TCF20: variants seen among roughly 807,000 people sequenced by gnomAD.
TCF20 encodes the protein SPRE-binding protein.
A neutral mutation model predicts 148.6 loss-of-function variants in TCF20; 3 were observed. The ratio of observed to expected loss-of-function variants is 0.02; its 90% CI spans 0.01 to 0.05. The LOEUF is 0.05. TCF20 is among the 10% of genes least tolerant of loss of function. The pLI is 1.00. For missense variants in TCF20, 2,350 were observed against 2,429.3 expected, an observed-to-expected ratio of 0.97 and a Z score of 0.69; for synonymous variants, 1,049 against 909.5, an observed-to-expected ratio of 1.15 and a Z score of -2.76.
At chr22:42,249,733 T>C (rs535730147) in intron 1 of TCF20, among the ~76,000 whole-genome samples, 1 of 152,242 alleles carries the variant, frequency 6.6e-6, no homozygotes, top group East Asian at 1.9e-4. Context: ...ACAAGAAATC[T>C]CCCCTGCCAA....
At chr22:42,324,754 C>G (rs1398141581) in intron 1 of TCF20, among the ~76,000 whole-genome samples, 2 of 152,264 alleles carry the variant, frequency 1.3e-5, no homozygotes, top group Non-Finnish European at 2.9e-5. Flanking sequence ...TAACCTCCAC[C>G]ATTTGTTCTG....
intron 1 of TCF20, among the ~76,000 whole-genome samples, chr22:42,231,928 CAAAAAAAA>C (rs55642530): frequency 2.4e-5 from 3 of 123,270 alleles, no homozygotes; most frequent in Non-Finnish European, 5.1e-5. Context: ...GACTCCGTCT[CAAAAAAAA>C]AAAAAAAAAA....
rs151205820 is a variant in TCF20, at chr22:42,211,949, T to C, written c.3357A>G (p.Pro1119=). 32 of 1,614,220 alleles carry C rather than the reference T, an allele frequency of 2.0e-5. No individual in the cohort carries two copies. The highest frequency in any genetic ancestry group is 1.6e-4 in the Middle Eastern group (1 of 6,062). Reference sequence around the variant, plus strand: ...ACTGCTGCTGCCTTGGACTCTTCCGTGGCCCCTCCTGCCTGTGCTGTGCTG... The same window carrying C: ...ACTGCTGCTGCCTTGGACTCTTCCGCGGCCCCTCCTGCCTGTGCTGTGCTG... ...IAAAQHRQEG[P]RKSPRQQQFL... Residue 1119 remains proline, a synonymous_variant, in exon 2 of 6, where the codon CCA becomes CCG. Coordinates refer to ENST00000677622, the MANE Select transcript of TCF20 (RefSeq NM_001378418.1).
chr22:42,289,829 C>T lies in TCF20; in HGVS notation c.-37+53650G>A, dbSNP rs959924984. Reference sequence around the variant, plus strand: ...GCCACCCTGGCAGACCCCCAAAGAGCGCCCCAAAGGATTGCCCCGCCCCCG... The same window carrying T: ...GCCACCCTGGCAGACCCCCAAAGAGTGCCCCAAAGGATTGCCCCGCCCCCG... On this transcript the variant is annotated intron_variant, in intron 1 of 1. Coordinates refer to the TCF20 transcript ENST00000515426. Among the ~76,000 whole-genome samples, 4 of 152,266 alleles carry T rather than the reference C, an allele frequency of 2.6e-5. 1 individual carries two copies. The highest frequency in any genetic ancestry group is 4.1e-4 in the South Asian group (2 of 4,834).
rs1408694179 is a variant in TCF20 at position 42,209,644 on chromosome 22, T to C, written c.5655+7A>G. 1.3e-6 allele frequency: 2 copies of C among 1,578,340 alleles called. No individual in the cohort carries two copies. The highest frequency in any genetic ancestry group is 1.7e-6 in the Non-Finnish European group (2 of 1,164,128). On this transcript the variant is annotated splice_region_variant and intron_variant, in intron 2 of 5. Coordinates refer to ENST00000677622, the MANE Select transcript of TCF20 (RefSeq NM_001378418.1). ...TCCCAAGCTGGTAAGAGATTTCTCA[T>C]ACTCACCATCTCTCTGGCTATTTCC...
chr22:42,202,233 CAAT>C (rs1181908494), intron 2 of TCF20, among the ~76,000 whole-genome samples: 4 of 152,210 alleles, frequency 2.6e-5, no homozygotes, highest in African/African-American at 7.2e-5. Flanking sequence ...ACTAAGACAA[CAAT>C]GAGGGAGGAC....
intron 5 of TCF20, among the ~76,000 whole-genome samples, chr22:42,164,556 T>A (rs1057030793): frequency 6.6e-6 from 1 of 152,184 alleles, no homozygotes; most frequent in African/African-American, 2.4e-5. Flanking sequence ...ACAGACTCAC[T>A]TGGCACTAGC....
At chr22:42,323,472 C>T (rs956141518) in intron 1 of TCF20, among the ~76,000 whole-genome samples, 2 of 151,604 alleles carry the variant, frequency 1.3e-5, no homozygotes, top group Non-Finnish European at 3.0e-5. Flanking sequence ...AACAGGAGGA[C>T]GGTGGAAGAG....
chr22:42,285,626 T>A (rs1290167197), upstream of TCF20, among the ~76,000 whole-genome samples: 1 of 152,072 alleles, frequency 6.6e-6, no homozygotes, highest in Non-Finnish European at 1.5e-5. The surrounding 1 kb of genome is among the most constrained non-coding windows in gnomAD (Gnocchi z 4.2). Context: ...TTATTTTTAT[T>A]TTATTTTATT....
chr22:42,254,558 C>T (rs984666255), intron 1 of TCF20, among the ~76,000 whole-genome samples: 2 of 152,206 alleles, frequency 1.3e-5, no homozygotes, highest in African/African-American at 4.8e-5. Flanking sequence ...AATCTCTCAC[C>T]TGTCCTCCAT....
intron 1 of TCF20, 95 bp from the exon 2 acceptor site, chr22:42,215,436 G>A (rs1921663294): frequency 1.4e-6 from 2 of 1,426,286 alleles, no homozygotes; most frequent in Non-Finnish European, 1.9e-6. Context: ...TGAATCAGAG[G>A]CCCAGATGAA....
intron 1 of TCF20, among the ~76,000 whole-genome samples, chr22:42,264,177 T>C (rs978981820): frequency 1.3e-5 from 2 of 151,262 alleles, no homozygotes; most frequent in Non-Finnish European, 2.9e-5. Flanking sequence ...CTATCCTTGC[T>C]TTCCTTGACA....
Position 42,215,240 on chromosome 22 carries a change from G to GT in TCF20, c.65dup (p.His22GlnfsTer27). 1 of 1,614,194 alleles carries GT rather than the reference G, an allele frequency of 6.2e-7. No homozygotes were observed. The highest frequency in any genetic ancestry group is 8.5e-7 in the Non-Finnish European group (1 of 1,180,036). ...TGAACTCTTCTAGCCGGGATGAGCC[G>GT]TGTACCTCCTGTGGGTAGCTTTGCT... On this transcript the variant is annotated frameshift_variant, in exon 2 of 6. Coordinates refer to ENST00000677622, the MANE Select transcript of TCF20 (RefSeq NM_001378418.1). LOFTEE classifies it high-confidence loss of function.
chr22:42,213,868 T>A lies in TCF20; in HGVS notation c.1438A>T (p.Thr480Ser). 1 of 1,613,942 alleles carries A rather than the reference T, an allele frequency of 6.2e-7. No individual in the cohort carries two copies. Among genetic ancestry groups the A allele is most frequent in the Non-Finnish European group, 8.5e-7 (1 of 1,179,960 alleles). ...VQHMLLSDAL[T>S]PQKKTSKRPS... ...CTCTTGGAGGTCTTCTTCTGAGGAGTCAGGGCATCAGAAAGTAACATGTGC... is the reference window on the plus strand; with the variant it reads ...CTCTTGGAGGTCTTCTTCTGAGGAGACAGGGCATCAGAAAGTAACATGTGC... The change falls in exon 2 of 6, where the codon ACT (threonine) becomes TCT (serine). Residue 480 changes from threonine to serine, a missense_variant. By Grantham distance (58) the Thr-to-Ser change is moderately conservative. Coordinates refer to ENST00000677622, the MANE Select transcript of TCF20 (RefSeq NM_001378418.1).
intron 2 of TCF20, among the ~76,000 whole-genome samples, chr22:42,200,014 C>T (rs1378393523): frequency 1.3e-5 from 2 of 151,666 alleles, no homozygotes; most frequent in African/African-American, 4.8e-5. Flanking sequence ...TTTTTCTCTC[C>T]ACTTTCTTTC....
rs767598134 is a variant in TCF20, at chr22:42,215,209, G to T, written c.97C>A (p.Arg33Ser). 2 of 1,614,180 alleles carry T rather than the reference G, an allele frequency of 1.2e-6. No individual in the cohort carries two copies. Among genetic ancestry groups the T allele is most frequent in the South Asian group, 1.1e-5 (1 of 91,088 alleles). Residue 33 changes from arginine to serine, a missense_variant, in exon 2 of 6, where the codon CGT becomes AGT. Arg to Ser is a moderately radical substitution (Grantham distance 110). Coordinates refer to ENST00000677622, the MANE Select transcript of TCF20 (RefSeq NM_001378418.1). ...AAATTCTGGAACATCTGGGCCTGAC[G>T]AGGGCTGAACTCTTCTAGCCGGGAT... Reference protein sequence around the residue: ...GSSRLEEFSPRQAQMFQNFGG... With the variant: ...GSSRLEEFSPSQAQMFQNFGG...
intron 1 of TCF20, among the ~76,000 whole-genome samples, chr22:42,241,872 C>G (rs923766635): frequency 1.6e-4 from 24 of 151,546 alleles, no homozygotes; most frequent in African/African-American, 4.1e-4. Flanking sequence ...GACTGATTAA[C>G]TGAAAACAGG....
intron 2 of TCF20, among the ~76,000 whole-genome samples, chr22:42,188,152 G>A (rs914104577): frequency 4.0e-5 from 6 of 151,784 alleles, no homozygotes; most frequent in African/African-American, 1.5e-4. Flanking sequence ...AAATTAGCTG[G>A]GTGTGGTGGT....
At chr22:42,309,059 G>C (rs902043130) in intron 1 of TCF20, among the ~76,000 whole-genome samples, 1 of 152,150 alleles carries the variant, frequency 6.6e-6, no homozygotes, top group South Asian at 2.1e-4. Context: ...ACCCTGGCGG[G>C]GGAGGCTGAG....
Sources: gnomAD v4.1 joint callset for allele counts (sites outside exome capture counted in the v4.1 genomes callset) on GRCh38, gnomAD v4.1.1 for gene constraint, Gnocchi (gnomAD v3.1) non-coding constraint, MANE v1.5 for transcripts, NCBI Gene and HGNC (gene_info 2026-07-23, HGNC 2026-07-21) for gene names.